Variants in FAM83G observed in about 807,000 individuals in gnomAD.
FAM83G encodes the protein protein FAM83G.
Under a neutral mutation model 61.5 loss-of-function variants are expected in FAM83G, and 38 were observed. The observed-to-expected ratio is 0.62, with a 90% CI of 0.48 to 0.81. FAM83G has a LOEUF of 0.81. Among genes scored for constraint, FAM83G ranks in the 30% least tolerant of loss-of-function variants. The pLI is 0.00. For synonymous variants in FAM83G, 470 were observed against 476.1 expected (o/e 0.99, Z 0.17); for missense variants, 989 against 1,133.6 (o/e 0.87, Z 1.83).
At chr17:18,972,081 A>G (rs1401083351) in intron 5 of FAM83G, among the ~76,000 whole-genome samples, 1 of 152,128 alleles carries the variant, frequency 6.6e-6, no homozygotes, top group Non-Finnish European at 1.5e-5. Context: ...GTTTCTGTTG[A>G]GTGCAGGGGG....
Position 18,977,731 on chromosome 17 carries a change from C to T in FAM83G, c.1935G>A (p.Pro645=), listed in dbSNP as rs752126627. 1.1e-5 allele frequency: 17 copies of T among 1,607,774 alleles called. No homozygotes were observed. Among genetic ancestry groups the T allele is most frequent in the Admixed American group, 1.7e-5 (1 of 59,428 alleles). Reference sequence around the variant, plus strand: ...TATGGGGGGCACTCAGCTGCCGGCGCGGTGGTGGGGTTGGCCCGTTGGCCA... The same window carrying T: ...TATGGGGGGCACTCAGCTGCCGGCGTGGTGGTGGGGTTGGCCCGTTGGCCA... ...EQVANGPTPP[P]RRQLSAPHIT... is the part of the protein sequence containing the mutation. The change falls in exon 5 of 6, where the codon CCG becomes CCA. Residue 645 remains proline (P), a synonymous_variant. Transcript: ENST00000388995.
chr17:18,984,034 TC>T (rs1304139925), intron 3 of FAM83G, among the ~76,000 whole-genome samples: 1 of 151,738 alleles, frequency 6.6e-6, no homozygotes, highest in African/African-American at 2.4e-5. Context: ...GCAGAGTGAA[TC>T]CCCCCCGTTT....
rs1383030586 is a variant in FAM83G at position 19,000,174 on chromosome 17, AG to A, written c.522+3345del. On this transcript the variant is annotated intron_variant, in intron 2 of 5. Transcript: ENST00000388995. The surrounding 1 kb of genome is among the most constrained non-coding windows in gnomAD (Gnocchi z 5.2). ...AAATCATGGCTCCTGGGGCTAGGGG[AG>A]GGGCAGGCAGTTGACCTTCCATCTT... is the stretch of plus-strand genomic sequence containing the variant. Among the ~76,000 whole-genome samples, 2 of 151,902 alleles carry A rather than the reference AG, an allele frequency of 1.3e-5. No homozygotes were observed. Among genetic ancestry groups the A allele is most frequent in the African/African-American group, 4.8e-5 (2 of 41,306 alleles).
At chr17:18,993,467 C>A (rs1276070877) in intron 2 of FAM83G, among the ~76,000 whole-genome samples, 1 of 152,170 alleles carries the variant, frequency 6.6e-6, no homozygotes, top group Non-Finnish European at 1.5e-5. Context: ...ACGTGACAAG[C>A]CTTACACTCA....
chr17:18,991,755 G>A (rs2043431518), intron 2 of FAM83G, among the ~76,000 whole-genome samples: 1 of 152,150 alleles, frequency 6.6e-6, no homozygotes, highest in African/African-American at 2.4e-5. Flanking sequence ...TGGAATCTGC[G>A]CAGGCCACAC....
Position 18,969,411 on chromosome 17 carries a change from T to G in FAM83G, c.*1948A>C, listed in dbSNP as rs1242266517. On this transcript the variant is annotated 3_prime_UTR_variant, in exon 6 of 6. Transcript: ENST00000388995. Reference sequence around the variant, plus strand: ...ATCATGGTGGTGGGGGCTGTCATCCTGACAATCAAAGGTGAGGACAGAGTC... The same window carrying G: ...ATCATGGTGGTGGGGGCTGTCATCCGGACAATCAAAGGTGAGGACAGAGTC... The G allele has an allele frequency of 6.2e-7, 1 of 1,613,626 alleles. No individual in the cohort carries two copies. The highest frequency in any genetic ancestry group is 1.7e-5 in the Admixed American group (1 of 60,008).
rs144898113 is a variant in FAM83G, at chr17:19,003,687, A to G, written c.355T>C (p.Tyr119His). 6.2e-7 allele frequency: 1 copy of G among 1,609,500 alleles called. No individual in the cohort carries two copies. Among genetic ancestry groups the G allele is most frequent in the African/African-American group, 1.3e-5 (1 of 74,712 alleles). Residue 119 changes from tyrosine to histidine, a missense_variant, in exon 2 of 6, where the codon TAC becomes CAC. This residue lies in a region of FAM83G where 371 missense variants were observed against 404.5 expected (regional missense o/e 0.92). Coordinates refer to ENST00000388995, the MANE Select transcript of FAM83G (RefSeq NM_001039999.3). This position sits in a 1 kb window ranked among gnomAD's most constrained non-coding sequence, Gnocchi z 4.5. ...GAGCGGTCCGACTTCTGGGGCCAGT[A>G]CTCCAGGGAGGGCAGCGGCTCGGCC... ...IEAEPLPSLE[Y>H]WPQKSDRSIP...
intron 5 of FAM83G, among the ~76,000 whole-genome samples, chr17:18,974,726 C>T (rs957178945): frequency 3.3e-5 from 5 of 152,216 alleles, no homozygotes; most frequent in African/African-American, 9.6e-5. Flanking sequence ...CAGGCTTGGC[C>T]GGCTACACTA....
In FAM83G at chr17:18,970,860, C is replaced by T; in HGVS notation, c.*499G>A. On this transcript the variant is annotated 3_prime_UTR_variant, in exon 6 of 6. Transcript: ENST00000388995. Reference sequence around the variant, plus strand: ...TTAAAAAAAAAAACAACCCTCTACCCTCACACCTTTCCAAACACTGGGAAA... The same window carrying T: ...TTAAAAAAAAAAACAACCCTCTACCTTCACACCTTTCCAAACACTGGGAAA... 1 of 659,094 alleles carries T rather than the reference C, an allele frequency of 1.5e-6. No individual in the cohort carries two copies. The highest frequency in any genetic ancestry group is 2.6e-6 in the Non-Finnish European group (1 of 377,914). 40.8% of individuals were successfully genotyped at this position (659,094 alleles called of 1,614,324 possible).
chr17:18,976,643 ACCTCG>A, intron 5 of FAM83G: 1 of 597,514 alleles, frequency 1.7e-6, no homozygotes, highest in Non-Finnish European at 2.9e-6. Context: ...GAATGAGTGT[ACCTCG>A]GCTCTCGCTG....
At chr17:18,984,372 C>A (rs1413687065) in intron 3 of FAM83G, among the ~76,000 whole-genome samples, 1 of 150,826 alleles carries the variant, frequency 6.6e-6, no homozygotes, top group African/African-American at 2.5e-5. Flanking sequence ...CTGCCTTATA[C>A]CCTGAATCCA....
At chr17:18,992,821 G>A (rs2043462413) in intron 2 of FAM83G, among the ~76,000 whole-genome samples, 1 of 152,184 alleles carries the variant, frequency 6.6e-6, no homozygotes. Flanking sequence ...GCCTGTCTGG[G>A]CGGCTAACAC....
At chr17:18,990,615 C>T (rs1453632520) in intron 2 of FAM83G, among the ~76,000 whole-genome samples, 1 of 152,238 alleles carries the variant, frequency 6.6e-6, no homozygotes, top group East Asian at 1.9e-4. Context: ...TTGCCCTCAG[C>T]CAGGCAGGGT....
intron 2 of FAM83G, among the ~76,000 whole-genome samples, chr17:18,992,854 G>C (rs1567800879): frequency 6.6e-6 from 1 of 152,168 alleles, no homozygotes; most frequent in South Asian, 2.1e-4. Flanking sequence ...CCACAGGTCT[G>C]GGAGAGGAAG....
Position 18,977,702 on chromosome 17 carries a change from G to A in FAM83G, c.1964C>T (p.Thr655Ile). The change falls in exon 5 of 6, where the codon ACC becomes ATC. Residue 655 changes from threonine (T) to isoleucine (I), a missense_variant. Around this residue, in one of 3 missense-constraint regions of FAM83G, gnomAD observed 574 missense variants for 645.1 expected, o/e 0.89. Transcript: ENST00000388995. ...CTGGGGTCCAACAAAGGTCCCTCGGGTTATATGGGGGGCACTCAGCTGCCG... is the reference window on the plus strand; with the variant it reads ...CTGGGGTCCAACAAAGGTCCCTCGGATTATATGGGGGGCACTCAGCTGCCG... The part of the protein sequence containing the change: ...PRRQLSAPHI[T>I]RGTFVGPQGG... The A allele has an allele frequency of 6.2e-7, 1 of 1,610,426 alleles. No homozygotes were observed. Among genetic ancestry groups the A allele is most frequent in the South Asian group, 1.1e-5 (1 of 90,912 alleles).
chr17:18,976,573 T>C, intron 5 of FAM83G: 1 of 395,168 alleles, frequency 2.5e-6, no homozygotes, highest in Non-Finnish European at 4.5e-6. Context: ...TTGCCAGGGG[T>C]GGTGGGCTGG....
intron 2 of FAM83G, among the ~76,000 whole-genome samples, chr17:18,998,710 G>A (rs1169994647): frequency 6.6e-6 from 1 of 152,230 alleles, no homozygotes; most frequent in African/African-American, 2.4e-5. Context: ...GGAGCGCACA[G>A]GAGTTAACAC....
rs1261362832 is a variant in FAM83G, at chr17:18,988,328, C to T, written c.609G>A (p.Val203=). The stretch of plus-strand genomic sequence containing the variant: ...CGTTACTCTCATCCACGATGATGTA[C>T]ACGGCCACTTTCCTCTTGAAGCCGG... ...LDAGFKRKVA[V]YIIVDESNVK... Residue 203 remains valine (V), a synonymous_variant, in exon 3 of 6, where the codon GTG becomes GTA. Transcript: ENST00000388995. The T allele has an allele frequency of 3.7e-6, 6 of 1,614,122 alleles. No individual in the cohort carries two copies. The African/African-American group carries it at 4.0e-5, about 11-fold the overall frequency.
Position 18,978,453 on chromosome 17 carries a change from C to T in FAM83G, c.1213G>A (p.Ala405Thr), listed in dbSNP as rs780509170. 3 of 1,605,986 alleles carry T rather than the reference C, an allele frequency of 1.9e-6. No homozygotes were observed. In the South Asian group the frequency reaches 3.3e-5, roughly 18 times the overall value. ...GTGGGCAGGTACTCAAACATGTTGGCCCTCTCCAGGTGAAGCAGTCCTGGG... is the reference window on the plus strand; with the variant it reads ...GTGGGCAGGTACTCAAACATGTTGGTCCTCTCCAGGTGAAGCAGTCCTGGG... ...IHPGLLHLER[A>T]NMFEYLPTWV... The change falls in exon 5 of 6, where the codon GCC becomes ACC. Residue 405 changes from alanine to threonine, a missense_variant. Physicochemically the swap from Ala to Thr is moderately conservative, Grantham distance 58 (BLOSUM62 0). Transcript: ENST00000388995.
Sources: allele counts gnomAD v4.1 joint callset (sites outside exome capture counted in the v4.1 genomes callset), GRCh38; gene constraint gnomAD v4.1.1; regional missense constraint gnomAD v4.1.1; non-coding constraint Gnocchi (gnomAD v3.1); transcripts MANE v1.5; gene names NCBI Gene and HGNC (gene_info 2026-07-23, HGNC 2026-07-21).